TRIM31: variants seen among roughly 807,000 people sequenced by gnomAD.
TRIM31 encodes the protein tripartite motif containing 31.
A neutral mutation model predicts 40.6 loss-of-function variants in TRIM31; 31 were observed. That is an observed-to-expected ratio of 0.76 (90% confidence interval 0.57 to 1.03). TRIM31 has a LOEUF of 1.03. Among genes scored for constraint, TRIM31 ranks in the 50% least tolerant of loss-of-function variants. The pLI, the probability that TRIM31 is intolerant of heterozygous loss-of-function variation, is 0.00. For synonymous variants in TRIM31, 164 were observed against 193.9 expected, an observed-to-expected ratio of 0.85 and a Z score of 1.28; for missense variants, 455 against 497.5, an observed-to-expected ratio of 0.91 and a Z score of 0.81.
intron 4 of TRIM31, among the ~76,000 whole-genome samples, 199 bp from the exon 5 acceptor site, chr6:30,109,247 A>C (rs931237075): frequency 6.6e-6 from 1 of 152,162 alleles, no homozygotes. Flanking sequence ...TAAGCAGAAA[A>C]GTGTTTTGAC....
At chr6:30,109,122 C>T (rs565666752) in intron 4 of TRIM31, 74 bp from the exon 5 acceptor site, 7 of 1,517,736 alleles carry the variant, frequency 4.6e-6, no homozygotes, top group Non-Finnish European at 5.5e-6. Flanking sequence ...GATACAGAGC[C>T]TGCTGGGTGT....
Position 30,111,115 on chromosome 6 carries a change from C to G in TRIM31, c.514-437G>C, listed in dbSNP as rs114990206. On this transcript the variant is annotated intron_variant, in intron 3 of 8. Transcript: ENST00000376734. ...GCACGATCACGGCTCACTGCAGCCT[C>G]ATCCTCCCAGGCTCAAACAATACTT... 9.2e-3 allele frequency: 1,702 copies of G among 184,012 alleles called. 22 individuals carry two copies. Among genetic ancestry groups the G allele is most frequent in the African/African-American group, 0.034 (1,387 of 41,224 alleles). 11.4% of individuals were successfully genotyped at this position (184,012 alleles called of 1,614,324 possible).
At chr6:30,107,989 G>T in intron 6 of TRIM31, 64 bp downstream of exon 6, 1 of 1,082,064 alleles carries the variant, frequency 9.2e-7, no homozygotes, top group Non-Finnish European at 1.4e-6. Context: ...CCATTTCAGT[G>T]GAGTGAGCAG....
rs909395695 is a variant in TRIM31 at position 30,112,705 on chromosome 6, T to C, written c.101A>G (p.Asn34Ser). ...CTGAGTGATGCATTTGAGGCAGAAA[T>C]TGTGCCCACAGTCGATGGTGACAGG... ...QKPVTIDCGHNFCLKCITQIG... is the reference protein window; with the variant it reads ...QKPVTIDCGHSFCLKCITQIG... The change falls in exon 2 of 9, where the codon AAT (asparagine) becomes AGT (serine). Residue 34 changes from asparagine to serine, a missense_variant. Physicochemically the swap from Asn to Ser is conservative, Grantham distance 46 (BLOSUM62 1). Transcript: ENST00000376734. The C allele has an allele frequency of 6.2e-7, 1 of 1,612,972 alleles. No homozygotes were observed. Among genetic ancestry groups the C allele is most frequent in the African/African-American group, 1.3e-5 (1 of 74,928 alleles).
intron 3 of TRIM31, chr6:30,111,163 G>C (rs1769273608): frequency 5.6e-6 from 1 of 177,460 alleles, no homozygotes; most frequent in African/African-American, 2.4e-5. Flanking sequence ...CTCTCTAGTA[G>C]CTGGGACTAC....
At position 30,110,470 on chromosome 6, in the gene TRIM31, A is replaced by G; in HGVS notation, c.722T>C (p.Met241Thr). 6.2e-7 allele frequency: 1 copy of G among 1,614,100 alleles called. No homozygotes were observed. The highest frequency in any genetic ancestry group is 8.5e-7 in the Non-Finnish European group (1 of 1,180,014). ...CACCTCCAGCAGCTGCCTGGGTGGCATGTTCTGCTTGGTCTTCAGGGAATC... is the reference window on the plus strand; with the variant it reads ...CACCTCCAGCAGCTGCCTGGGTGGCGTGTTCTGCTTGGTCTTCAGGGAATC... ...LVDSLKTKQN[M>T]PPRQLLEDIK... The change falls in exon 4 of 9, where the codon ATG (methionine) becomes ACG (threonine). Residue 241 changes from methionine (M) to threonine (T), a missense_variant. Coordinates refer to ENST00000376734, the MANE Select transcript of TRIM31 (RefSeq NM_007028.5).
intron 7 of TRIM31, 106 bp downstream of exon 7, chr6:30,105,062 G>A (rs113656179): frequency 1.6e-5 from 15 of 946,454 alleles, no homozygotes; most frequent in East Asian, 9.7e-5. Context: ...CTGAGGAATC[G>A]GCATTCACTT....
intron 4 of TRIM31, 55 bp from the exon 5 acceptor site, chr6:30,109,103 C>T (rs1769038726): frequency 6.3e-7 from 1 of 1,596,924 alleles, no homozygotes. Context: ...TCCCAGGAGC[C>T]AAGGAGGAGA....
chr6:30,104,893 T>C (rs1013952373), intron 7 of TRIM31, among the ~76,000 whole-genome samples: 1 of 142,592 alleles, frequency 7.0e-6, no homozygotes, highest in African/African-American at 2.5e-5. Flanking sequence ...AGCTGCCTCC[T>C]TCTTGTCCCA....
rs1298733193 is a variant in TRIM31 at position 30,112,400 on chromosome 6, G to A, written c.406C>T (p.Gln136Ter). The A allele has an allele frequency of 6.2e-7, 1 of 1,610,564 alleles. No individual in the cohort carries two copies. The highest frequency in any genetic ancestry group is 1.1e-5 in the South Asian group (1 of 90,522). ...HNVSLIEEAA[Q>*]NYQGQIQEQI... Reference sequence around the variant, plus strand: ...CCTCAAATGCCTACCTGATAATTCTGGGCAGCTTCTTCGATCAAGCTGACA... The same window carrying A: ...CCTCAAATGCCTACCTGATAATTCTAGGCAGCTTCTTCGATCAAGCTGACA... Residue 136 changes from glutamine (Q) to a stop codon, truncating the protein, a stop_gained, in exon 2 of 9, where the codon CAG becomes TAG. Transcript: ENST00000376734. LOFTEE classifies it high-confidence loss of function.
At position 30,112,599 on chromosome 6, in the gene TRIM31, C is replaced by T. The variant is rs999010495; in HGVS notation, c.207G>A (p.Ser69=). 15 of 1,613,044 alleles carry T rather than the reference C, an allele frequency of 9.3e-6. No homozygotes were observed. The highest frequency in any genetic ancestry group is 1.2e-5 in the Non-Finnish European group (14 of 1,180,016). The change falls in exon 2 of 9, where the codon TCG becomes TCA. Residue 69 remains serine (S), a synonymous_variant. Coordinates refer to ENST00000376734, the MANE Select transcript of TRIM31 (RefSeq NM_007028.5). The part of the protein sequence containing the change: ...SVRKNAIRFN[S]LLRNLVEKIQ... ...TTTTCTCCACCAGATTCCGCAACAG[C>T]GAGTTGAACCTGATTGCGTTCTTCC...
At chr6:30,103,884 C>G (rs751229609) in intron 8 of TRIM31, 95 bp from the exon 9 acceptor site, 4 of 1,559,584 alleles carry the variant, frequency 2.6e-6, no homozygotes, top group Non-Finnish European at 3.5e-6. Context: ...CTACATACAG[C>G]AGGAGGGATG....
At position 30,110,495 on chromosome 6, in the gene TRIM31, C is replaced by A. The variant is rs762887964; in HGVS notation, c.697G>T (p.Asp233Tyr). Residue 233 changes from aspartate to tyrosine, a missense_variant, in exon 4 of 9, where the codon GAT (aspartate) becomes TAT (tyrosine). Physicochemically the swap from Asp to Tyr is radical, Grantham distance 160 (BLOSUM62 -3). Coordinates refer to ENST00000376734, the MANE Select transcript of TRIM31 (RefSeq NM_007028.5). Reference sequence around the variant, plus strand: ...ATGTTCTGCTTGGTCTTCAGGGAATCAACGAGCTTCTTGAGATCGTTCAAC... The same window carrying A: ...ATGTTCTGCTTGGTCTTCAGGGAATAAACGAGCTTCTTGAGATCGTTCAAC... ...PQLNDLKKLV[D>Y]SLKTKQNMPP... 1 of 1,614,190 alleles carries A rather than the reference C, an allele frequency of 6.2e-7. No homozygotes were observed. Among genetic ancestry groups the A allele is most frequent in the Non-Finnish European group, 8.5e-7 (1 of 1,180,040 alleles).
intron 7 of TRIM31, 91 bp downstream of exon 7, chr6:30,105,077 C>A (rs1768541656): frequency 8.9e-7 from 1 of 1,125,380 alleles, no homozygotes; most frequent in Non-Finnish European, 1.3e-6. Context: ...TCACTTATAT[C>A]TGGCCTTCAT....
At chr6:30,110,303 C>A (rs921995708) in intron 4 of TRIM31, 145 bp downstream of exon 4, 6 of 653,366 alleles carry the variant, frequency 9.2e-6, no homozygotes, top group African/African-American at 9.1e-5. Context: ...CTAATACATG[C>A]GGCTCACATA....
In TRIM31 at chr6:30,109,046, ATCCT is replaced by A; in HGVS notation, c.745-2_746del. The A allele has an allele frequency of 6.2e-7, 1 of 1,613,042 alleles. No homozygotes were observed. The highest frequency in any genetic ancestry group is 8.5e-7 in the Non-Finnish European group (1 of 1,180,018). On this transcript the variant is annotated splice_acceptor_variant and coding_sequence_variant, in exon 5 of 9. Transcript: ENST00000376734. LOFTEE classifies it high-confidence loss of function. ...CATACCTGCACAAGACGACTTTGAT[ATCCT>A]AGAAGAGAAAGAGAAACAGCACAGC...
In TRIM31 at chr6:30,105,246, G is replaced by T. The variant is rs757182183; in HGVS notation, c.884-4C>A. The stretch of plus-strand genomic sequence containing the variant: ...TTCCTATCAGCCTGGAGTTGGTCTG[G>T]GGAATAAAGAATGGGATGAAATGGT... On this transcript the variant is annotated splice_polypyrimidine_tract_variant and splice_region_variant and intron_variant, in intron 6 of 8. Coordinates refer to ENST00000376734, the MANE Select transcript of TRIM31 (RefSeq NM_007028.5). 2 of 1,611,802 alleles carry T rather than the reference G, an allele frequency of 1.2e-6. No individual in the cohort carries two copies. Among genetic ancestry groups the T allele is most frequent in the Non-Finnish European group, 1.7e-6 (2 of 1,179,342 alleles).
chr6:30,112,320 A>G (rs1190891368), intron 2 of TRIM31, 69 bp downstream of exon 2: 8 of 1,529,164 alleles, frequency 5.2e-6, no homozygotes, highest in Non-Finnish European at 1.8e-6. Flanking sequence ...GTGGGAAGGT[A>G]GCAGTTTCCA....
intron 8 of TRIM31, 41 bp from the exon 9 acceptor site, chr6:30,103,830 C>G: frequency 6.2e-7 from 1 of 1,609,868 alleles, no homozygotes; most frequent in Non-Finnish European, 8.5e-7. Flanking sequence ...TCAGCGGGAG[C>G]ACCTCGGCAG....
Sources: gnomAD v4.1 joint callset for allele counts (sites outside exome capture counted in the v4.1 genomes callset) on GRCh38, gnomAD v4.1.1 for gene constraint, MANE v1.5 for transcripts, NCBI Gene and HGNC (gene_info 2026-07-23, HGNC 2026-07-21) for gene names.